ATP13A3: variants seen among roughly 807,000 people sequenced by gnomAD.
The protein encoded by ATP13A3 is polyamine-transporting ATPase 13A3.
A neutral mutation model predicts 158.1 loss-of-function variants in ATP13A3; 59 were observed. The observed-to-expected ratio is 0.37, with a 90% CI of 0.30 to 0.46. The LOEUF is 0.46. ATP13A3 is among the 20% of genes least tolerant of loss of function. The pLI, the probability that ATP13A3 is intolerant of heterozygous loss-of-function variation, is 1.00. For synonymous variants in ATP13A3, 491 were observed against 504.3 expected, an observed-to-expected ratio of 0.97 and a Z score of 0.35; for missense variants, 1,166 against 1,525.2, an observed-to-expected ratio of 0.76 and a Z score of 3.92.
chr3:194,403,494 T>TA lies in ATP13A3; in HGVS notation c.*2424dup, dbSNP rs567221920. ...AAATCTTGTTATTTATTTAAAAAGT[T>TA]AAAAAGTTACATATCATTATTTAAC... On this transcript the variant is annotated 3_prime_UTR_variant, in exon 34 of 34. Transcript: ENST00000645319. The TA allele has an allele frequency of 6.6e-6, 1 of 152,228 alleles. No individual in the cohort carries two copies. Among genetic ancestry groups the TA allele is most frequent in the South Asian group, 2.1e-4 (1 of 4,836 alleles). 9.4% of individuals were successfully genotyped at this position (152,228 alleles called of 1,614,324 possible).
intron 33 of ATP13A3, among the ~76,000 whole-genome samples, chr3:194,408,021 C>G (rs1315430340): frequency 1.4e-5 from 2 of 138,322 alleles, no homozygotes; most frequent in African/African-American, 5.3e-5. Flanking sequence ...AAGCTGTCAC[C>G]TTTTTTTTTT....
intron 31 of ATP13A3, among the ~76,000 whole-genome samples, chr3:194,418,954 C>T (rs1463855717): frequency 6.6e-6 from 1 of 152,094 alleles, no homozygotes; most frequent in African/African-American, 2.4e-5. Flanking sequence ...ACTGCTTGTA[C>T]CTGGGATAAA....
intron 30 of ATP13A3, among the ~76,000 whole-genome samples, chr3:194,421,206 T>TA (rs1466343309): frequency 1.6e-5 from 1 of 63,504 alleles, no homozygotes; most frequent in Non-Finnish European, 3.4e-5. Flanking sequence ...CACTAACACT[T>TA]ATACCAAAGG....
intron 2 of ATP13A3, among the ~76,000 whole-genome samples, chr3:194,471,691 A>C (rs1212817937): frequency 6.6e-6 from 1 of 152,230 alleles, no homozygotes; most frequent in Admixed American, 6.5e-5. Flanking sequence ...TCTAAGTATT[A>C]AGTGTGCATC....
chr3:194,460,667 C>A lies in ATP13A3; in HGVS notation c.216G>T (p.Leu72=). Residue 72 remains leucine, a synonymous_variant, in exon 4 of 34, where the codon CTG becomes CTT. Coordinates refer to ENST00000645319, the MANE Select transcript of ATP13A3 (RefSeq NM_001367549.1). ...AAIKDCEVVL[L]RTTDEFKMWF... is the part of the protein sequence containing the mutation. ...AAACACATAAACTTACAGTAGTCCT[C>A]AGCAGCACTACTTCACAGTCTTTAA... The A allele has an allele frequency of 1.9e-6, 3 of 1,614,016 alleles. No individual in the cohort carries two copies. The highest frequency in any genetic ancestry group is 2.2e-5 in the East Asian group (1 of 44,878).
intron 2 of ATP13A3, among the ~76,000 whole-genome samples, chr3:194,465,818 A>T (rs937949247): frequency 2.0e-5 from 3 of 151,086 alleles, no homozygotes; most frequent in African/African-American, 7.4e-5. Context: ...ACACACACAC[A>T]CACACACACA....
At chr3:194,492,681 C>G (rs946606439) in intron 2 of ATP13A3, among the ~76,000 whole-genome samples, 20 of 152,098 alleles carry the variant, frequency 1.3e-4, no homozygotes, top group Non-Finnish European at 2.9e-5. Context: ...GTCTTGAACT[C>G]CTGACCTCAG....
chr3:194,429,039 C>A, intron 27 of ATP13A3, 122 bp from the exon 28 acceptor site: 1 of 535,034 alleles, frequency 1.9e-6, no homozygotes, highest in East Asian at 3.4e-5. Context: ...CTCGGACCTG[C>A]TTAAAAATTG....
rs184349138 is a variant in ATP13A3 at position 194,439,905 on chromosome 3, C to T, written c.1711-933G>A. On this transcript the variant is annotated intron_variant, in intron 16 of 33. Transcript: ENST00000645319. ...AGTTGGAGAAAAGCTTAGAGAAGAA[C>T]GATAAATCAGCCCATTTTTGTTATT... Among the ~76,000 whole-genome samples the T allele has an allele frequency of 1.2e-3, 183 of 152,304 alleles. 1 individual carries two copies. The highest frequency in any genetic ancestry group is 9.9e-3 in the Admixed American group (151 of 15,300).
chr3:194,466,294 A>C (rs1719984633), intron 2 of ATP13A3, among the ~76,000 whole-genome samples: 1 of 152,190 alleles, frequency 6.6e-6, no homozygotes, highest in South Asian at 2.1e-4. Flanking sequence ...CGTCACTGAA[A>C]CCAAAAAGGC....
chr3:194,409,121 CAT>C (rs1358472865), intron 33 of ATP13A3, among the ~76,000 whole-genome samples: 1 of 152,154 alleles, frequency 6.6e-6, no homozygotes, highest in East Asian at 1.9e-4. Flanking sequence ...GGCTACCATG[CAT>C]AGTTTAGCAG....
At position 194,405,392 on chromosome 3, in the gene ATP13A3, T is replaced by C. The variant is rs1336633756; in HGVS notation, c.*527A>G. On this transcript the variant is annotated 3_prime_UTR_variant, in exon 34 of 34. Transcript: ENST00000645319. ...TAGACCATCATAGGGAATTGGCATA[T>C]GTTTATACAGAATTCTTTGGAAGAA... 6 of 155,208 alleles carry C rather than the reference T, an allele frequency of 3.9e-5. No homozygotes were observed. The highest frequency in any genetic ancestry group is 1.4e-4 in the African/African-American group (6 of 41,474). The allele number at this position is 155,208 out of a possible 1,614,324, so 9.6% of individuals were successfully genotyped here.
intron 20 of ATP13A3, among the ~76,000 whole-genome samples, chr3:194,434,498 A>G (rs1717474918): frequency 1.3e-5 from 2 of 152,250 alleles, no homozygotes; most frequent in African/African-American, 2.4e-5. Flanking sequence ...ACAAAAAGGG[A>G]TGATCTCTGC....
At chr3:194,420,735 C>T (rs1422794905) in intron 30 of ATP13A3, among the ~76,000 whole-genome samples, 2 of 152,086 alleles carry the variant, frequency 1.3e-5, no homozygotes, top group African/African-American at 4.8e-5. Flanking sequence ...CATATACACA[C>T]ATGTATATAA....
Position 194,433,754 on chromosome 3 carries a change from T to C in ATP13A3, c.2245+18A>G, listed in dbSNP as rs1240366556. ...TGTCACACTCCATTTGCTTCTGTGTTCTTTTATAAAGTCTAACCTGTGACC... is the reference window on the plus strand; with the variant it reads ...TGTCACACTCCATTTGCTTCTGTGTCCTTTTATAAAGTCTAACCTGTGACC... On this transcript the variant is annotated intron_variant, in intron 21 of 33. Transcript: ENST00000645319. The C allele has an allele frequency of 6.2e-7, 1 of 1,613,144 alleles. No homozygotes were observed. Among genetic ancestry groups the C allele is most frequent in the Non-Finnish European group, 8.5e-7 (1 of 1,179,682 alleles).
At chr3:194,467,507 A>G (rs533013042) in intron 2 of ATP13A3, among the ~76,000 whole-genome samples, 1 of 152,318 alleles carries the variant, frequency 6.6e-6, no homozygotes, top group African/African-American at 2.4e-5. Flanking sequence ...AAATTTTACC[A>G]AAGTGCTAAA....
rs553906440 is a variant in ATP13A3, at chr3:194,412,407, A to T, written c.3484-119T>A. On this transcript the variant is annotated intron_variant, in intron 32 of 33. Transcript: ENST00000645319. ...TGATGAAAAGGATATTTTGATTTTC[A>T]TATATGGAATTTCAGTTAATACTGC... The T allele has an allele frequency of 6.6e-6, 5 of 754,654 alleles. No homozygotes were observed. The African/African-American group carries it at 6.9e-5, about 10-fold the overall frequency. 46.7% of individuals were successfully genotyped at this position (754,654 alleles called of 1,614,324 possible).
chr3:194,462,220 C>A lies in ATP13A3; in HGVS notation c.-30G>T. On this transcript the variant is annotated 5_prime_UTR_variant, in exon 3 of 34. Transcript: ENST00000645319. ...ACAGTGGATTAAAGGTCCAGTGCTT[C>A]AAACAATGGAAGATCACTGAGGGAA... 1 of 1,596,512 alleles carries A rather than the reference C, an allele frequency of 6.3e-7. No individual in the cohort carries two copies. The highest frequency in any genetic ancestry group is 8.6e-7 in the Non-Finnish European group (1 of 1,164,066).
chr3:194,462,310 ACTGT>A (rs1719719179), intron 2 of ATP13A3, 74 bp from the exon 3 acceptor site: 5 of 1,027,548 alleles, frequency 4.9e-6, no homozygotes, highest in African/African-American at 3.2e-5. Flanking sequence ...CATTCTATCA[ACTGT>A]CTATTATACA....
Sources: gnomAD v4.1 joint callset for allele counts (sites outside exome capture counted in the v4.1 genomes callset) on GRCh38, gnomAD v4.1.1 for gene constraint, MANE v1.5 for transcripts, NCBI Gene and HGNC (gene_info 2026-07-23, HGNC 2026-07-21) for gene names.